MORC4: variants seen among roughly 807,000 people sequenced by gnomAD.
MORC4 encodes the protein MORC family CW-type zinc finger protein 4.
A neutral mutation model predicts 65.5 loss-of-function variants in MORC4; 22 were observed. That is an observed-to-expected ratio of 0.34 (90% CI 0.24 to 0.48). MORC4 has a LOEUF of 0.48. Ranked by LOEUF, MORC4 falls within the 20% of genes least tolerant of loss-of-function variation. MORC4 has a pLI of 0.99. For synonymous variants in MORC4, 267 were observed against 255.8 expected, an observed-to-expected ratio of 1.04 and a Z score of -0.42; for missense variants, 624 against 703.0, an observed-to-expected ratio of 0.89 and a Z score of 1.27.
chrX:106,994,205 G>A (rs1053423449), intron 2 of MORC4, among the ~76,000 whole-genome samples: 1 of 112,332 alleles, frequency 8.9e-6, no homozygotes, highest in Non-Finnish European at 1.9e-5. Flanking sequence ...GGGTGCCACT[G>A]TCTAGTTGCC....
intron 10 of MORC4, 116 bp from the exon 11 acceptor site, chrX:106,958,580 G>A: frequency 3.2e-6 from 2 of 622,304 alleles, no homozygotes; most frequent in South Asian, 5.1e-5. Flanking sequence ...GAAATATGTT[G>A]GGAATGTTAT....
chrX:106,980,917 A>G lies in MORC4; in HGVS notation c.910T>C (p.Tyr304His), dbSNP rs1482287650. 2.5e-6 allele frequency: 3 copies of G among 1,208,585 alleles called. No individual in the cohort carries two copies. The South Asian group carries it at 5.3e-5, about 21-fold the overall frequency. The change falls in exon 7 of 17, where the codon TAT (tyrosine) becomes CAT (histidine). Residue 304 changes from tyrosine to histidine, a missense_variant. Physicochemically the swap from Tyr to His is moderately conservative, Grantham distance 83 (BLOSUM62 2). Coordinates refer to ENST00000355610, the MANE Select transcript of MORC4 (RefSeq NM_024657.5). ...MIAKSLANVE[Y>H]DTYKPTFTNK... ...GTGAAGGTAGGTTTATATGTATCAT[A>G]TTCTACATTGGCCAGGCTCTTGGCA...
At chrX:106,957,692 T>C (rs868526357) in intron 11 of MORC4, among the ~76,000 whole-genome samples, 1 of 111,798 alleles carries the variant, frequency 8.9e-6, no homozygotes, top group Middle Eastern at 4.6e-3. Context: ...TGTTGGATGC[T>C]GCAAGAAACA....
chrX:106,967,181 G>A (rs2147813983), intron 9 of MORC4, among the ~76,000 whole-genome samples: 1 of 111,438 alleles, frequency 9.0e-6, no homozygotes, highest in South Asian at 3.9e-4. Flanking sequence ...GTCTGGAGTG[G>A]ACCTCCAGCA....
intron 9 of MORC4, 82 bp from the exon 10 acceptor site, chrX:106,962,192 GACACCA>G: frequency 1.5e-6 from 1 of 684,740 alleles, no homozygotes; most frequent in Non-Finnish European, 2.3e-6. Context: ...CCATTTAACA[GACACCA>G]ATAATTTAGA....
chrX:106,981,523 A>G, intron 5 of MORC4, 46 bp from the exon 6 acceptor site: 1 of 1,096,798 alleles, frequency 9.1e-7, no homozygotes, highest in Non-Finnish European at 1.2e-6. Flanking sequence ...CTGGCTCCAG[A>G]GGACAAAAAA....
At chrX:106,964,371 A>ACC (rs1934324438) in intron 9 of MORC4, among the ~76,000 whole-genome samples, 1 of 112,128 alleles carries the variant, frequency 8.9e-6, no homozygotes, top group Non-Finnish European at 1.9e-5. Flanking sequence ...AAAAGTGAAC[A>ACC]AAAACTAAGG....
At chrX:106,994,697 A>G (rs1260417457) in intron 2 of MORC4, among the ~76,000 whole-genome samples, 1 of 112,161 alleles carries the variant, frequency 8.9e-6, no homozygotes, top group Non-Finnish European at 1.9e-5. Flanking sequence ...ACTGACTGTA[A>G]GCAGAAAACG....
rs1934910213 is a variant in MORC4 at position 106,988,201 on chromosome X, T to C, written c.309-2001A>G. Among the ~76,000 whole-genome samples, 3 of 111,977 alleles carry C rather than the reference T, an allele frequency of 2.7e-5. No individual in the cohort carries two copies. In the Admixed American group the frequency reaches 2.8e-4, roughly 11 times the overall value. ...ATCTTACACATCACTTCAAATGAATTTGTATCGTTAACCGGACTTCAACTT... is the reference window on the plus strand; with the variant it reads ...ATCTTACACATCACTTCAAATGAATCTGTATCGTTAACCGGACTTCAACTT... On this transcript the variant is annotated intron_variant, in intron 3 of 16. Coordinates refer to ENST00000355610, the MANE Select transcript of MORC4 (RefSeq NM_024657.5).
Position 106,987,681 on chromosome X carries a change from T to C in MORC4, c.309-1481A>G, listed in dbSNP as rs1040410976. ...AGAGCGGAGGTATCTGATTTCTACT[T>C]CCTGAAGATTGCGGTTTTGTGTTTA... On this transcript the variant is annotated intron_variant, in intron 3 of 16. Transcript: ENST00000355610. Among the ~76,000 whole-genome samples the C allele has an allele frequency of 3.6e-5, 4 of 111,397 alleles. No individual in the cohort carries two copies. In the East Asian group the frequency reaches 1.1e-3, roughly 31 times the overall value.
intron 9 of MORC4, among the ~76,000 whole-genome samples, chrX:106,971,001 T>C (rs1934497519): frequency 8.9e-6 from 1 of 111,862 alleles, no homozygotes; most frequent in African/African-American, 3.3e-5. Flanking sequence ...AGAGCCCGCA[T>C]AGCCAAGACA....
intron 9 of MORC4, among the ~76,000 whole-genome samples, chrX:106,967,299 A>G (rs1934399433): frequency 8.9e-6 from 1 of 111,860 alleles, no homozygotes; most frequent in African/African-American, 3.3e-5. Flanking sequence ...CCAAAACCCC[A>G]TCCGTAGGTA....
In MORC4 at chrX:107,000,026, G is replaced by A; in HGVS notation, c.-57C>T. On this transcript the variant is annotated 5_prime_UTR_variant, in exon 1 of 17. Coordinates refer to ENST00000355610, the MANE Select transcript of MORC4 (RefSeq NM_024657.5). ...CGCCGGACCCCTGGCCCGGCGGTCC[G>A]GGACTAGCCCTCGCTCACTTCCACT... 2 of 526,190 alleles carry A rather than the reference G, an allele frequency of 3.8e-6. No individual in the cohort carries two copies. Among genetic ancestry groups the A allele is most frequent in the Non-Finnish European group, 5.0e-6 (2 of 401,397 alleles). The allele number at this position is 526,190 out of a possible 1,213,427, so 43.4% of individuals were successfully genotyped here. A position where few individuals can be genotyped will look rare whatever the true frequency, so the allele number is the denominator to read the frequency against.
Position 106,985,228 on chromosome X carries a change from G to C in MORC4, c.542C>G (p.Thr181Ser), listed in dbSNP as rs1365067980. 5 of 1,157,759 alleles carry C rather than the reference G, an allele frequency of 4.3e-6. No individual in the cohort carries two copies. The highest frequency in any genetic ancestry group is 5.8e-6 in the Non-Finnish European group (5 of 863,332). Residue 181 changes from threonine to serine, a missense_variant, in exon 5 of 17, where the codon ACC (threonine) becomes AGC (serine). Transcript: ENST00000355610. ...TTCTAGGCTGGGCAATGAATCCTCG[G>C]TAATAATCATTTTTTGTAAAATCAA... ...FNQQNKKMII[T>S]EDSLPSLEAI...
rs778525443 is a variant in MORC4, at chrX:106,957,046, G to C, written c.1386-42C>G. The C allele has an allele frequency of 6.4e-6, 6 of 935,969 alleles. No homozygotes were observed. The African/African-American group carries it at 7.8e-5, about 12-fold the overall frequency. 77.1% of individuals were successfully genotyped at this position (935,969 alleles called of 1,213,427 possible). On this transcript the variant is annotated intron_variant, in intron 11 of 16. Transcript: ENST00000355610. ...AAATCATCCTTTGGAAAAAAACTGGGTCCTTCACTTTTACCTTTTAATTTC... is the reference window on the plus strand; with the variant it reads ...AAATCATCCTTTGGAAAAAAACTGGCTCCTTCACTTTTACCTTTTAATTTC...
intron 3 of MORC4, among the ~76,000 whole-genome samples, chrX:106,990,399 G>T (rs893966917): frequency 9.1e-6 from 1 of 109,704 alleles, no homozygotes; most frequent in African/African-American, 3.3e-5. Context: ...AGGGACTACA[G>T]GTGCATGCCA....
Position 106,954,959 on chromosome X carries a change from A to T in MORC4, c.1639T>A (p.Ser547Thr). 3 of 1,210,339 alleles carry T rather than the reference A, an allele frequency of 2.5e-6. No individual in the cohort carries two copies. Among genetic ancestry groups the T allele is most frequent in the Non-Finnish European group, 3.4e-6 (3 of 894,947 alleles). The change falls in exon 14 of 17, where the codon TCT becomes ACT. Residue 547 changes from serine to threonine, a missense_variant. Transcript: ENST00000355610. ...PSGGEESRSP[S>T]LQLKPLDSSV... ...GAATCCAGAGGCTTAAGTTGAAGAGATGGTGATCTGCTTTCTTCTCCACCA... is the reference window on the plus strand; with the variant it reads ...GAATCCAGAGGCTTAAGTTGAAGAGTTGGTGATCTGCTTTCTTCTCCACCA...
intron 14 of MORC4, among the ~76,000 whole-genome samples, chrX:106,949,586 C>T (rs1353372000): frequency 8.9e-6 from 1 of 112,563 alleles, no homozygotes. Context: ...GCTGAACTGA[C>T]TCTATGCAGT....
At chrX:106,981,503 C>T (rs1934741306) in intron 5 of MORC4, 26 bp from the exon 6 acceptor site, 1 of 1,136,936 alleles carries the variant, frequency 8.8e-7, no homozygotes, top group African/African-American at 1.9e-5. Flanking sequence ...AAGTACCAAT[C>T]TAACAAAAAC....
Sources: allele counts gnomAD v4.1 joint callset (sites outside exome capture counted in the v4.1 genomes callset), GRCh38; gene constraint gnomAD v4.1.1; transcripts MANE v1.5; gene names NCBI Gene and HGNC (gene_info 2026-07-23, HGNC 2026-07-21).